The following CPNE4 variants were observed in gnomAD, a reference collection of about 807,000 sequenced individuals.
CPNE4 encodes the protein copine-4.
In CPNE4, 25 loss-of-function variants were observed where a neutral mutation model predicts 67.9. The observed-to-expected ratio is 0.37, with a 90% CI of 0.27 to 0.51. CPNE4 has a LOEUF of 0.51. CPNE4 is among the 20% of genes least tolerant of loss of function. CPNE4 has a pLI of 0.93. For synonymous variants in CPNE4, 242 were observed against 244.9 expected, an observed-to-expected ratio of 0.99 and a Z score of 0.11; for missense variants, 464 against 690.8, an observed-to-expected ratio of 0.67 and a Z score of 3.68.
At chr3:131,891,258 T>C (rs536852276) in intron 2 of CPNE4, among the ~76,000 whole-genome samples, 1 of 152,180 alleles carries the variant, frequency 6.6e-6, no homozygotes, top group South Asian at 2.1e-4. Context: ...GTTTTTTTTA[T>C]AACAATTACA....
chr3:131,697,345 T>A (rs1442277306), intron 4 of CPNE4, among the ~76,000 whole-genome samples: 1 of 152,176 alleles, frequency 6.6e-6, no homozygotes, highest in African/African-American at 2.4e-5. Flanking sequence ...AAGTTGCAGA[T>A]AAGTTAAAAC....
intron 1 of CPNE4, among the ~76,000 whole-genome samples, chr3:131,996,912 G>A (rs1380416134): frequency 6.6e-6 from 1 of 152,112 alleles, no homozygotes; most frequent in Non-Finnish European, 1.5e-5. Flanking sequence ...CAGAACATCT[G>A]CTTTAAGAAT....
intron 2 of CPNE4, among the ~76,000 whole-genome samples, chr3:131,865,875 G>A (rs1012995986): frequency 1.3e-5 from 2 of 152,222 alleles, no homozygotes; most frequent in Non-Finnish European, 1.5e-5. Context: ...GAAAAGTTAA[G>A]CTGTGATGTA....
intron 2 of CPNE4, among the ~76,000 whole-genome samples, chr3:131,767,173 A>G (rs2083040915): frequency 6.6e-6 from 1 of 151,864 alleles, no homozygotes; most frequent in African/African-American, 2.4e-5. Context: ...TCTCTCTTTG[A>G]CTTTGATTTT....
At chr3:131,561,561 T>G (rs1559899897) in intron 11 of CPNE4, among the ~76,000 whole-genome samples, 1 of 151,998 alleles carries the variant, frequency 6.6e-6, no homozygotes, top group Non-Finnish European at 1.5e-5. Flanking sequence ...CTCAAGCTGT[T>G]CTACCTCATG....
At chr3:131,713,316 G>C (rs1847192) in intron 3 of CPNE4, among the ~76,000 whole-genome samples, 36,132 of 152,000 alleles carry the variant, frequency 0.24, 5,064 homozygotes, top group South Asian at 0.34. Context: ...ATTAAATACA[G>C]TTGTTTTCCT....
At chr3:131,979,748 G>GTT (rs901953274) in intron 1 of CPNE4, among the ~76,000 whole-genome samples, 3 of 148,756 alleles carry the variant, frequency 2.0e-5, no homozygotes. Context: ...TGTATCTTGA[G>GTT]TTTTTTTTTT....
intron 2 of CPNE4, among the ~76,000 whole-genome samples, chr3:131,743,814 T>G (rs535123873): frequency 1.3e-5 from 2 of 151,348 alleles, no homozygotes; most frequent in African/African-American, 4.9e-5. Context: ...ATACAAAAAA[T>G]TAGCCGGGCG....
intron 2 of CPNE4, among the ~76,000 whole-genome samples, chr3:131,805,583 G>T (rs1242170187): frequency 6.6e-6 from 1 of 152,174 alleles, no homozygotes; most frequent in Non-Finnish European, 1.5e-5. Context: ...CATTAACAGG[G>T]ACTGGAGTCA....
intron 9 of CPNE4, 75 bp from the exon 10 acceptor site, chr3:131,575,205 T>G: frequency 8.6e-6 from 11 of 1,273,250 alleles, no homozygotes; most frequent in Non-Finnish European, 1.1e-5. Context: ...GCCTAAAGGT[T>G]GGTGACTGAT....
At chr3:131,697,649 A>G (rs996738931) in intron 4 of CPNE4, among the ~76,000 whole-genome samples, 3 of 152,350 alleles carry the variant, frequency 2.0e-5, no homozygotes, top group African/African-American at 4.8e-5. Flanking sequence ...GAGTCCAGGT[A>G]TATAGGAAAA....
intron 2 of CPNE4, among the ~76,000 whole-genome samples, chr3:131,785,682 T>C (rs575679319): frequency 6.6e-6 from 1 of 151,474 alleles, no homozygotes; most frequent in East Asian, 1.9e-4. Flanking sequence ...TCTCTCTCTC[T>C]CTCTCTCTCT....
At chr3:131,823,163 G>C (rs1344642438) in intron 2 of CPNE4, among the ~76,000 whole-genome samples, 1 of 152,126 alleles carries the variant, frequency 6.6e-6, no homozygotes, top group Non-Finnish European at 1.5e-5. Context: ...CTTATCACAA[G>C]TTTTTTTATG....
chr3:131,860,266 A>G (rs1180418138), intron 2 of CPNE4, among the ~76,000 whole-genome samples: 1 of 152,228 alleles, frequency 6.6e-6, no homozygotes, highest in East Asian at 1.9e-4. Flanking sequence ...TAGTTTAGTT[A>G]TTGTTACTAA....
intron 11 of CPNE4, among the ~76,000 whole-genome samples, chr3:131,562,925 C>G (rs1428459831): frequency 6.6e-6 from 1 of 152,026 alleles, no homozygotes; most frequent in Non-Finnish European, 1.5e-5. Context: ...GAATTATCAG[C>G]AAGGGCCTGA....
chr3:131,830,655 T>A (rs1215574513), intron 2 of CPNE4, among the ~76,000 whole-genome samples: 2 of 152,126 alleles, frequency 1.3e-5, no homozygotes, highest in Admixed American at 1.3e-4. Context: ...TGCCTTCCAA[T>A]CTTTCTTATT....
chr3:131,795,265 G>C (rs1305717504), intron 2 of CPNE4, among the ~76,000 whole-genome samples: 1 of 152,102 alleles, frequency 6.6e-6, no homozygotes, highest in African/African-American at 2.4e-5. Context: ...AGAGTGAGAG[G>C]CATAAGCATC....
In CPNE4 at chr3:131,777,866, G is replaced by T. The variant is rs952672934; in HGVS notation, c.181-54241C>A. On this transcript the variant is annotated intron_variant, in intron 2 of 15. Transcript: ENST00000429747. ...GGAGATCTCTTGAGCAGGCCTGGAG[G>T]TGAAATACTCCCCTTTATTGCAGCT... 8.5e-5 allele frequency among the ~76,000 whole-genome samples: 13 copies of T among 152,058 alleles called. 1 individual carries two copies. The highest frequency in any genetic ancestry group is 2.9e-4 in the African/African-American group (12 of 41,428).
chr3:131,909,867 G>C (rs1248696022), intron 1 of CPNE4, among the ~76,000 whole-genome samples: 1 of 151,928 alleles, frequency 6.6e-6, no homozygotes, highest in Non-Finnish European at 1.5e-5. Context: ...ATTTATAAAA[G>C]AATAAACATA....
Sources: gnomAD v4.1 joint callset for allele counts (sites outside exome capture counted in the v4.1 genomes callset) on GRCh38, gnomAD v4.1.1 for gene constraint, MANE v1.5 for transcripts, NCBI Gene and HGNC (gene_info 2026-07-23, HGNC 2026-07-21) for gene names.